Variants in DCLK1 observed in about 807,000 individuals in gnomAD.
DCLK1 encodes the protein serine/threonine-protein kinase DCLK1.
Under a neutral mutation model 86.2 loss-of-function variants are expected in DCLK1, and 16 were observed. The ratio of observed to expected loss-of-function variants is 0.19; its 90% CI spans 0.13 to 0.28. DCLK1 has a LOEUF of 0.28. DCLK1 is among the 10% of genes least tolerant of loss of function. DCLK1 has a pLI of 1.00. For synonymous variants in DCLK1, 369 were observed against 370.5 expected, an observed-to-expected ratio of 1.00 and a Z score of 0.05; for missense variants, 590 against 940.2, an observed-to-expected ratio of 0.63 and a Z score of 4.87.
intron 2 of DCLK1, among the ~76,000 whole-genome samples, chr13:36,112,645 C>G (rs2138191546): frequency 6.6e-6 from 1 of 152,268 alleles, no homozygotes; most frequent in East Asian, 1.9e-4. Flanking sequence ...AATACAGCAT[C>G]TTAAAATAGT....
chr13:35,771,658 A>G lies in DCLK1; in HGVS notation c.*2877T>C, dbSNP rs945329111. ...TGAATCTTAAAATTCCCTTGAAAATACCATATGATTGGTCATGTGTCAGTA... is the reference window on the plus strand; with the variant it reads ...TGAATCTTAAAATTCCCTTGAAAATGCCATATGATTGGTCATGTGTCAGTA... On this transcript the variant is annotated 3_prime_UTR_variant, in exon 17 of 17. Coordinates refer to ENST00000360631, the MANE Select transcript of DCLK1 (RefSeq NM_001330071.2). 2 of 152,154 alleles carry G rather than the reference A, an allele frequency of 1.3e-5. No homozygotes were observed. The highest frequency in any genetic ancestry group is 4.8e-5 in the African/African-American group (2 of 41,434). The allele number at this position is 152,154 out of a possible 1,614,324, so 9.4% of individuals were successfully genotyped here.
intron 15 of DCLK1, among the ~76,000 whole-genome samples, chr13:35,798,379 C>T (rs2153100510): frequency 6.6e-6 from 1 of 152,312 alleles, no homozygotes; most frequent in South Asian, 2.1e-4. Context: ...CTATTCATTG[C>T]CAGACTCCAT....
chr13:36,126,216 TA>T lies in DCLK1; in HGVS notation c.-19-61del, dbSNP rs199592157. 4,106 of 1,207,792 alleles carry T rather than the reference TA, an allele frequency of 3.4e-3. 46 individuals are homozygous for T. The highest frequency in any genetic ancestry group is 0.032 in the African/African-American group (1,602 of 50,316). 74.8% of individuals were successfully genotyped at this position (1,207,792 alleles called of 1,614,324 possible). On this transcript the variant is annotated intron_variant, in intron 1 of 16. Coordinates refer to ENST00000360631, the MANE Select transcript of DCLK1 (RefSeq NM_001330071.2). The stretch of plus-strand genomic sequence containing the variant: ...TTGATGTAGGTTATATATATATATA[TA>T]TTTTTTTGTTTTTGTTTTTTTTATG...
chr13:35,826,672 A>G (rs1254924697), intron 10 of DCLK1, among the ~76,000 whole-genome samples: 17 of 152,058 alleles, frequency 1.1e-4, no homozygotes. Flanking sequence ...CTAAATAACA[A>G]AAACTTAAAG....
At chr13:36,073,383 C>A (rs1157655988) in intron 3 of DCLK1, among the ~76,000 whole-genome samples, 2 of 152,158 alleles carry the variant, frequency 1.3e-5, no homozygotes, top group Admixed American at 1.3e-4. Flanking sequence ...TATCTCACTC[C>A]CATAACAACC....
chr13:35,906,988 G>A (rs892003451), intron 4 of DCLK1, among the ~76,000 whole-genome samples: 1 of 152,160 alleles, frequency 6.6e-6, no homozygotes, highest in Non-Finnish European at 1.5e-5. Flanking sequence ...ATGGCAAGCT[G>A]TAACCTTAAA....
chr13:36,053,148 T>A (rs948803560), intron 3 of DCLK1, among the ~76,000 whole-genome samples: 1 of 152,178 alleles, frequency 6.6e-6, no homozygotes, highest in East Asian at 1.9e-4. Context: ...AATGCTATAT[T>A]TAAGGCTGCC....
At chr13:36,104,336 A>G (rs966918953) in intron 3 of DCLK1, among the ~76,000 whole-genome samples, 83 of 152,316 alleles carry the variant, frequency 5.4e-4, no homozygotes, top group Non-Finnish European at 1.5e-5. Flanking sequence ...CTGGAGACTC[A>G]AAGGCCAATA....
chr13:36,042,313 C>T (rs1882727696), intron 3 of DCLK1, among the ~76,000 whole-genome samples: 1 of 152,196 alleles, frequency 6.6e-6, no homozygotes, highest in African/African-American at 2.4e-5. Context: ...AAACTACTTT[C>T]TCATTTCCTT....
intron 3 of DCLK1, among the ~76,000 whole-genome samples, chr13:36,108,764 A>G (rs1423601813): frequency 6.6e-6 from 1 of 152,182 alleles, no homozygotes; most frequent in African/African-American, 2.4e-5. Flanking sequence ...GAATTCCCAT[A>G]TTGTTTATGG....
intron 4 of DCLK1, among the ~76,000 whole-genome samples, chr13:35,899,479 T>G (rs908615093): frequency 6.6e-6 from 1 of 151,788 alleles, no homozygotes; most frequent in Non-Finnish European, 1.5e-5. Context: ...ACTAGAGAAC[T>G]AACTAAGCAA....
intron 3 of DCLK1, among the ~76,000 whole-genome samples, chr13:36,033,866 G>T (rs1365695534): frequency 6.6e-6 from 1 of 152,150 alleles, no homozygotes. Flanking sequence ...TGGAGGTTGT[G>T]GTGAGCCGAA....
At chr13:35,913,585 T>C (rs58969161) in intron 4 of DCLK1, among the ~76,000 whole-genome samples, 6,446 of 152,296 alleles carry the variant, frequency 0.042, 425 homozygotes, top group African/African-American at 0.15. Flanking sequence ...CATATACCCT[T>C]GGCTATCAAA....
chr13:35,997,947 G>A (rs1279672515), intron 3 of DCLK1, among the ~76,000 whole-genome samples: 1 of 152,102 alleles, frequency 6.6e-6, no homozygotes, highest in Non-Finnish European at 1.5e-5. Context: ...TTCCCACTAA[G>A]TGTGGTCAGC....
At chr13:35,949,461 C>T (rs1461800900) in intron 3 of DCLK1, among the ~76,000 whole-genome samples, 1 of 152,218 alleles carries the variant, frequency 6.6e-6, no homozygotes, top group East Asian at 1.9e-4. Flanking sequence ...TCCTAGGCGG[C>T]CATGCTTCTG....
chr13:35,907,032 G>A (rs907551256), intron 4 of DCLK1, among the ~76,000 whole-genome samples: 5 of 152,106 alleles, frequency 3.3e-5, no homozygotes, highest in East Asian at 1.9e-4. Flanking sequence ...GAAACGACCC[G>A]CCATGACTCC....
At chr13:35,783,262 A>G (rs1336561423) in intron 16 of DCLK1, among the ~76,000 whole-genome samples, 1 of 152,256 alleles carries the variant, frequency 6.6e-6, no homozygotes, top group Non-Finnish European at 1.5e-5. Flanking sequence ...TTTCTCAGGA[A>G]AATCTGTGGA....
At chr13:35,802,367 A>C (rs1285118739) in intron 15 of DCLK1, among the ~76,000 whole-genome samples, 1 of 151,292 alleles carries the variant, frequency 6.6e-6, no homozygotes, top group African/African-American at 2.4e-5. Flanking sequence ...ATTATTTGTC[A>C]CCTATGAATA....
At chr13:35,880,974 G>T (rs981413440) in intron 4 of DCLK1, among the ~76,000 whole-genome samples, 1 of 152,108 alleles carries the variant, frequency 6.6e-6, no homozygotes, top group Non-Finnish European at 1.5e-5. Flanking sequence ...TTGTTCAGCC[G>T]AAATACAATG....
Sources: gnomAD v4.1 joint callset for allele counts (sites outside exome capture counted in the v4.1 genomes callset) on GRCh38, gnomAD v4.1.1 for gene constraint, MANE v1.5 for transcripts, NCBI Gene and HGNC (gene_info 2026-07-23, HGNC 2026-07-21) for gene names.